Variants in DNAH1 observed in about 807,000 individuals in gnomAD.
The protein encoded by DNAH1 is dynein axonemal heavy chain 1.
A neutral mutation model predicts 484.3 loss-of-function variants in DNAH1; 327 were observed. The ratio of observed to expected loss-of-function variants is 0.68; its 90% confidence interval spans 0.62 to 0.74. DNAH1 has a LOEUF of 0.74. Ranked by LOEUF, DNAH1 falls within the 30% of genes least tolerant of loss-of-function variation. The pLI, the probability that DNAH1 is intolerant of heterozygous loss-of-function variation, is 0.00. For synonymous variants in DNAH1, 2,192 were observed against 2,191.9 expected, an observed-to-expected ratio of 1.00 and a Z score of 0.00; for missense variants, 5,052 against 5,546.8, an observed-to-expected ratio of 0.91 and a Z score of 2.83.
Position 52,368,971 on chromosome 3 carries a change from A to G in DNAH1, c.5943+53A>G. ...CTCCTCCAAGGCTGGGTGGGCCTGG[A>G]GGCTGCATCATGCTGGCCAAACTCT... On this transcript the variant is annotated intron_variant, in intron 37 of 77. Transcript: ENST00000420323. This position sits in a 1 kb window ranked among gnomAD's most constrained non-coding sequence, Gnocchi z 4.4. 6.3e-7 allele frequency: 1 copy of G among 1,591,258 alleles called. No individual in the cohort carries two copies. Among genetic ancestry groups the G allele is most frequent in the Non-Finnish European group, 8.6e-7 (1 of 1,162,454 alleles).
In DNAH1 at chr3:52,346,668, C is replaced by T; in HGVS notation, c.1853C>T (p.Ser618Leu). The T allele has an allele frequency of 6.2e-7, 1 of 1,614,048 alleles. No homozygotes were observed. The highest frequency in any genetic ancestry group is 8.5e-7 in the Non-Finnish European group (1 of 1,179,898). ...QDTLRFLVQD[S>L]LASFSQFISD... is the part of the protein sequence containing the mutation. ...ACACTGCGCTTCCTGGTGCAGGACT[C>T]ACTTGCCAGCTTCTCACAGTTCATC... The change falls in exon 11 of 78, where the codon TCA (serine) becomes TTA (leucine). Residue 618 changes from serine (S) to leucine (L), a missense_variant. Transcript: ENST00000420323.
chr3:52,395,956 T>TTC lies in DNAH1; in HGVS notation c.11259+278_11259+279insTC, dbSNP rs1448487498. On this transcript the variant is annotated intron_variant, in intron 70 of 77. Transcript: ENST00000420323. This position sits in a 1 kb window ranked among gnomAD's most constrained non-coding sequence, Gnocchi z 4.4. ...CAAAGCCCTTTTTTTTTTTTTTTTT[T>TTC]CAGACGGAGTCTCACTCTGTCACCG... Among the ~76,000 whole-genome samples, 9 of 149,388 alleles carry TTC rather than the reference T, an allele frequency of 6.0e-5. No homozygotes were observed. Among genetic ancestry groups the TTC allele is most frequent in the African/African-American group, 2.2e-4 (9 of 40,254 alleles).
upstream of DNAH1, among the ~76,000 whole-genome samples, chr3:52,315,154 C>G (rs541690519): frequency 1.3e-5 from 2 of 152,258 alleles, no homozygotes; most frequent in African/African-American, 2.4e-5. Context: ...TCACCCATTC[C>G]CTTCTCTGAC....
At chr3:52,373,555 C>T (rs1241574652) in intron 44 of DNAH1, 1 of 1,478,976 alleles carries the variant, frequency 6.8e-7, no homozygotes, top group Non-Finnish European at 9.4e-7. Context: ...ATAAAAGTAC[C>T]CGTCTCTCAG....
chr3:52,353,411 C>T lies in DNAH1; in HGVS notation c.3258C>T (p.Ala1086=). 6.2e-7 allele frequency: 1 copy of T among 1,613,274 alleles called. No individual in the cohort carries two copies. The highest frequency in any genetic ancestry group is 8.5e-7 in the Non-Finnish European group (1 of 1,179,426). The change falls in exon 20 of 78, where the codon GCC becomes GCT. Residue 1086 remains alanine, a synonymous_variant. Transcript: ENST00000420323. This position sits in a 1 kb window ranked among gnomAD's most constrained non-coding sequence, Gnocchi z 5.0. ...AGGAAGTGGCCTTGGACATCCGGGC[C>T]CGCATCGAGGAGTTCAAACCATACA... The part of the protein sequence containing the change: ...ACQEVALDIR[A]RIEEFKPYIP...
chr3:52,332,243 A>G lies in DNAH1; in HGVS notation c.1135A>G (p.Asn379Asp), dbSNP rs372166382. The change falls in exon 8 of 78, where the codon AAC (asparagine) becomes GAC (aspartate). Residue 379 changes from asparagine to aspartate, a missense_variant. Asn to Asp is a conservative substitution (Grantham distance 23). This residue lies in a region of DNAH1 where 1,263 missense variants were observed against 1,218.8 expected (regional missense o/e 1.04). Coordinates refer to ENST00000420323, the MANE Select transcript of DNAH1 (RefSeq NM_015512.5). ...CMFAQRVVQA[N>D]ALRKNTEALL... ...GTTCGCACAACGTGTGGTCCAGGCC[A>G]ACGCCCTGCGCAAGAACACGGAAGC... 1.7e-4 allele frequency: 282 copies of G among 1,613,842 alleles called. No individual in the cohort carries two copies. Among genetic ancestry groups the G allele is most frequent in the Non-Finnish European group, 2.2e-4 (265 of 1,179,850 alleles).
At chr3:52,326,562 AC>A (rs974374466) in intron 4 of DNAH1, among the ~76,000 whole-genome samples, 172 bp from the exon 5 acceptor site, 1 of 152,050 alleles carries the variant, frequency 6.6e-6, no homozygotes, top group African/African-American at 2.4e-5. Context: ...AGCCCAGGAC[AC>A]CAGCCCCAGC....
chr3:52,324,767 T>G (rs1701274778), intron 3 of DNAH1, among the ~76,000 whole-genome samples: 1 of 151,898 alleles, frequency 6.6e-6, no homozygotes, highest in Non-Finnish European at 1.5e-5. Flanking sequence ...GCACTGGGGG[T>G]ATTGGGAATG....
chr3:52,326,703 C>G, intron 4 of DNAH1, 32 bp from the exon 5 acceptor site: 1 of 1,551,670 alleles, frequency 6.4e-7, no homozygotes. Flanking sequence ...CGAGCCAAGC[C>G]ATCCTGAGGT....
chr3:52,374,665 T>A, intron 44 of DNAH1: 1 of 1,451,266 alleles, frequency 6.9e-7, no homozygotes, highest in Non-Finnish European at 9.7e-7. Context: ...ATTCTGCCCA[T>A]CATGTTTCCT....
At chr3:52,377,209 G>A (rs1050999293) in intron 46 of DNAH1, among the ~76,000 whole-genome samples, 5 of 151,976 alleles carry the variant, frequency 3.3e-5, no homozygotes, top group Non-Finnish European at 5.9e-5. Flanking sequence ...CGAGTACCCC[G>A]GTCCCCGCAC....
chr3:52,373,458 AAAG>A (rs1203283372), intron 44 of DNAH1, among the ~76,000 whole-genome samples: 1 of 152,268 alleles, frequency 6.6e-6, no homozygotes, highest in African/African-American at 2.4e-5. Flanking sequence ...AAAAAGTTCA[AAAG>A]AAGGACAAGA....
intron 6 of DNAH1, 77 bp from the exon 7 acceptor site, chr3:52,331,071 C>A: frequency 6.7e-7 from 1 of 1,483,282 alleles, no homozygotes; most frequent in Admixed American, 2.3e-5. Flanking sequence ...CCATTCCCAG[C>A]GATGCTGCCA....
chr3:52,392,747 C>A, intron 64 of DNAH1, 58 bp downstream of exon 64: 1 of 1,554,468 alleles, frequency 6.4e-7, no homozygotes, highest in Non-Finnish European at 8.7e-7. Context: ...TGCCCCCCAC[C>A]TCTCCCTGCC....
chr3:52,363,987 A>T (rs894685045), intron 32 of DNAH1, among the ~76,000 whole-genome samples: 13 of 152,080 alleles, frequency 8.5e-5, no homozygotes, highest in Non-Finnish European at 7.4e-5. Flanking sequence ...CAACTATCCC[A>T]CATGGTTTTG....
At chr3:52,325,550 A>T (rs116519645) in intron 3 of DNAH1, among the ~76,000 whole-genome samples, 1 of 152,186 alleles carries the variant, frequency 6.6e-6, no homozygotes, top group Admixed American at 6.5e-5. Context: ...CACCCTATCA[A>T]TGGGTCTCTC....
intron 52 of DNAH1, 35 bp from the exon 53 acceptor site, chr3:52,384,751 C>G (rs778193971): frequency 3.7e-5 from 57 of 1,541,156 alleles, no homozygotes; most frequent in Non-Finnish European, 4.9e-5. Flanking sequence ...CCTGGGGCCT[C>G]TACCAGGCCG....
intron 38 of DNAH1, 33 bp from the exon 39 acceptor site, chr3:52,370,077 C>T (rs1703262295): frequency 6.2e-7 from 1 of 1,613,696 alleles, no homozygotes; most frequent in Non-Finnish European, 8.5e-7. Context: ...CTGTGGCTGC[C>T]AGCCATGAGA....
In DNAH1 at chr3:52,346,520, A is replaced by G. The variant is rs907578208; in HGVS notation, c.1705A>G (p.Met569Val). The change falls in exon 11 of 78, where the codon ATG becomes GTG. Residue 569 changes from methionine to valine, a missense_variant. By Grantham distance (21) the Met-to-Val change is conservative (BLOSUM62 1). Coordinates refer to ENST00000420323, the MANE Select transcript of DNAH1 (RefSeq NM_015512.5). ...DSWISSLKVA[M>V]RSSLRDMSKG... ...CTGGATCAGCTCGCTAAAGGTGGCC[A>G]TGCGCAGCAGCCTGCGCGACATGAG... 3 of 1,613,576 alleles carry G rather than the reference A, an allele frequency of 1.9e-6. No individual in the cohort carries two copies. Among genetic ancestry groups the G allele is most frequent in the African/African-American group, 2.7e-5 (2 of 74,942 alleles).
Sources: allele counts gnomAD v4.1 joint callset (sites outside exome capture counted in the v4.1 genomes callset), GRCh38; gene constraint gnomAD v4.1.1; regional missense constraint gnomAD v4.1.1; non-coding constraint Gnocchi (gnomAD v3.1); transcripts MANE v1.5; gene names NCBI Gene and HGNC (gene_info 2026-07-23, HGNC 2026-07-21).